The following GSE1 variants were observed in gnomAD, a reference collection of about 807,000 sequenced individuals.
GSE1 encodes the protein Gse1 coiled-coil protein, also known as genetic suppressor element 1.
GSE1 carries 32 observed loss-of-function variants against 112.6 expected under a neutral mutation model. That is an observed-to-expected ratio of 0.28 (90% CI 0.21 to 0.38). GSE1 has a LOEUF of 0.38. Ranked by LOEUF, GSE1 falls within the 10% of genes least tolerant of loss-of-function variation. The pLI is 1.00. For missense variants in GSE1, 2,348 were observed against 1,699.2 expected, an observed-to-expected ratio of 1.38 and a Z score of -6.71; for synonymous variants, 1,115 against 735.6, an observed-to-expected ratio of 1.52 and a Z score of -8.35.
intron 7 of GSE1, among the ~76,000 whole-genome samples, 162 bp from the exon 8 acceptor site, chr16:85,657,115 G>C (rs1027637710): frequency 8.5e-5 from 13 of 152,190 alleles, no homozygotes; most frequent in African/African-American, 3.1e-4. Context: ...CATGCTTCTT[G>C]AAAGCTCCCG....
chr16:85,349,766 C>T (rs534554645), intron 1 of GSE1, among the ~76,000 whole-genome samples: 2 of 152,308 alleles, frequency 1.3e-5, no homozygotes, highest in Non-Finnish European at 1.5e-5. Context: ...CGGTTGTGTT[C>T]CTTGTCTCAT....
chr16:85,218,537 C>T (rs2075340846), intron 1 of GSE1, among the ~76,000 whole-genome samples: 1 of 152,214 alleles, frequency 6.6e-6, no homozygotes. Context: ...GCCTTTGGAG[C>T]AGTGAACCTG....
chr16:85,274,595 TG>T lies in GSE1; in HGVS notation c.2284-82865del, dbSNP rs1909171868. ...GAATGGGCAGCCGTCGAGGCCTCTG[TG>T]GGCAGGGGACCTGGCGGTTGTAGGG... On this transcript the variant is annotated intron_variant, in intron 1 of 2. Coordinates refer to the GSE1 transcript ENST00000637419. Among the ~76,000 whole-genome samples, 3 of 152,210 alleles carry T rather than the reference TG, an allele frequency of 2.0e-5. No individual in the cohort carries two copies. In the South Asian group the frequency reaches 6.2e-4, roughly 32 times the overall value.
At chr16:85,303,325 G>A (rs1182079181) in intron 1 of GSE1, among the ~76,000 whole-genome samples, 1 of 152,214 alleles carries the variant, frequency 6.6e-6, no homozygotes, top group African/African-American at 2.4e-5. Context: ...GGCACACCCT[G>A]GAAGTGAGGG....
At chr16:85,585,261 G>A (rs2046638002) in intron 1 of GSE1, among the ~76,000 whole-genome samples, 1 of 152,206 alleles carries the variant, frequency 6.6e-6, no homozygotes, top group Non-Finnish European at 1.5e-5. Context: ...GGGTCCAGAG[G>A]CTTCTACCCA....
chr16:85,509,806 G>A (rs774654354), intron 2 of GSE1, among the ~76,000 whole-genome samples: 2 of 151,958 alleles, frequency 1.3e-5, no homozygotes, highest in Non-Finnish European at 2.9e-5. Flanking sequence ...TCCCTTCCTC[G>A]CCTCTGTCAG....
rs1043567912 is a variant in GSE1 at position 85,194,162 on chromosome 16, C to T, written c.2283+22355C>T. The stretch of plus-strand genomic sequence containing the variant: ...CCCTGAATCCGTTCAGGAGAATGGT[C>T]ACCTTCTCTCTTTGCTGCTGTTCTT... On this transcript the variant is annotated intron_variant, in intron 1 of 2. Coordinates refer to the GSE1 transcript ENST00000637419. Among the ~76,000 whole-genome samples the T allele has an allele frequency of 2.0e-5, 3 of 152,270 alleles. No homozygotes were observed. In the East Asian group the frequency reaches 5.8e-4, roughly 29 times the overall value.
chr16:85,171,718 G>A (rs1597709025), exon 1 of GSE1: 7 of 985,558 alleles, frequency 7.1e-6, no homozygotes, highest in Middle Eastern at 5.2e-4. Flanking sequence ...CGGTGCTTGC[G>A]TGGAGTGTGG....
At chr16:85,671,639 G>A (rs1490763751) in intron 15 of GSE1, among the ~76,000 whole-genome samples, 1 of 152,134 alleles carries the variant, frequency 6.6e-6, no homozygotes, top group East Asian at 1.9e-4. Flanking sequence ...TCAGACACCA[G>A]TTGATTATCT....
intron 1 of GSE1, among the ~76,000 whole-genome samples, chr16:85,292,596 G>A (rs1323790554): frequency 1.3e-5 from 2 of 152,082 alleles, no homozygotes; most frequent in Non-Finnish European, 2.9e-5. Flanking sequence ...CAAAGTGCTG[G>A]GATTACAGGC....
At chr16:85,530,254 G>A (rs1338186555) in intron 2 of GSE1, among the ~76,000 whole-genome samples, 1 of 152,170 alleles carries the variant, frequency 6.6e-6, no homozygotes, top group Admixed American at 6.5e-5. Flanking sequence ...GGATTATCCT[G>A]TTTGCCTCCC....
rs111292010 is a variant in GSE1, at chr16:85,260,319, C to CTTTTTTT, written c.2283+88528_2283+88534dup. ...TATTTTTCCTTTTTCTTTTTCTTTT[C>CTTTTTTT]TTTTTTTTTTTTTTTTTTTTTTGAG... On this transcript the variant is annotated intron_variant, in intron 1 of 2. Transcript: ENST00000637419. 1.7e-3 allele frequency among the ~76,000 whole-genome samples: 158 copies of CTTTTTTT among 94,850 alleles called. 1 individual carries two copies. Among genetic ancestry groups the CTTTTTTT allele is most frequent in the African/African-American group, 4.8e-3 (105 of 21,984 alleles). The allele number at this position is 94,850 out of a possible 152,430, so 62.2% of individuals were successfully genotyped here. A position where few individuals can be genotyped will look rare whatever the true frequency, so the allele number is the denominator to read the frequency against.
chr16:85,471,465 G>A (rs1338268921), intron 2 of GSE1, among the ~76,000 whole-genome samples: 2 of 152,216 alleles, frequency 1.3e-5, no homozygotes, highest in Non-Finnish European at 2.9e-5. Flanking sequence ...CCAGGCTGGA[G>A]TGCAGTGGTG....
chr16:85,633,205 G>A (rs368752147), intron 1 of GSE1, among the ~76,000 whole-genome samples: 6 of 152,198 alleles, frequency 3.9e-5, no homozygotes, highest in African/African-American at 1.4e-4. Context: ...GGGGTCTGCA[G>A]TGCGGCCGTG....
intron 2 of GSE1, among the ~76,000 whole-genome samples, chr16:85,508,553 C>T (rs2051620835): frequency 6.6e-6 from 1 of 152,180 alleles, no homozygotes; most frequent in South Asian, 2.1e-4. Flanking sequence ...TCAGCCTGGG[C>T]CTCCAGCCGT....
At chr16:85,438,296 C>A (rs959369724) in intron 2 of GSE1, among the ~76,000 whole-genome samples, 1 of 152,172 alleles carries the variant, frequency 6.6e-6, no homozygotes, top group Non-Finnish European at 1.5e-5. Flanking sequence ...CAAGGCCATG[C>A]GGTGGTGTCT....
chr16:85,523,560 C>A (rs66952057), intron 2 of GSE1, among the ~76,000 whole-genome samples: 1 of 152,048 alleles, frequency 6.6e-6, no homozygotes, highest in Admixed American at 6.5e-5. Flanking sequence ...GGCTAAGGAA[C>A]CCCTGGGAGC....
At chr16:85,340,221 G>T (rs905763250) in intron 1 of GSE1, among the ~76,000 whole-genome samples, 1 of 152,162 alleles carries the variant, frequency 6.6e-6, no homozygotes, top group African/African-American at 2.4e-5. Context: ...GTGGTGGCGT[G>T]TGTCTGTGGT....
At chr16:85,345,210 A>G (rs977256746) in intron 1 of GSE1, among the ~76,000 whole-genome samples, 6 of 152,250 alleles carry the variant, frequency 3.9e-5, no homozygotes, top group African/African-American at 9.6e-5. Flanking sequence ...ATGGTTGCCA[A>G]AAACAAAACC....
Sources: allele counts gnomAD v4.1 joint callset (sites outside exome capture counted in the v4.1 genomes callset), GRCh38; gene constraint gnomAD v4.1.1; transcripts MANE v1.5; gene names NCBI Gene and HGNC (gene_info 2026-07-23, HGNC 2026-07-21).